The following SH3PXD2A variants were observed in gnomAD, a reference collection of about 807,000 sequenced individuals.
SH3PXD2A encodes SH3 and PX domains 2A, also known as SH3 and PX domain-containing protein 2A.
In SH3PXD2A, 32 loss-of-function variants were observed where a neutral mutation model predicts 115.2. The ratio of observed to expected loss-of-function variants is 0.28; its 90% confidence interval spans 0.21 to 0.37. The LOEUF is 0.37. Among genes scored for constraint, SH3PXD2A ranks in the 10% least tolerant of loss-of-function variants. The pLI is 1.00. For synonymous variants in SH3PXD2A, 610 were observed against 629.1 expected, an observed-to-expected ratio of 0.97 and a Z score of 0.45; for missense variants, 1,328 against 1,498.7, an observed-to-expected ratio of 0.89 and a Z score of 1.88.
At chr10:103,726,921 A>C (rs1038215404) in intron 4 of SH3PXD2A, among the ~76,000 whole-genome samples, 1 of 152,196 alleles carries the variant, frequency 6.6e-6, no homozygotes, top group African/African-American at 2.4e-5. Context: ...TGGCTCTCCA[A>C]GGGTCTCTGA....
At chr10:103,778,988 G>C (rs1204179901) in intron 2 of SH3PXD2A, among the ~76,000 whole-genome samples, 1 of 152,198 alleles carries the variant, frequency 6.6e-6, no homozygotes, top group Non-Finnish European at 1.5e-5. Flanking sequence ...TCTGCAAGTG[G>C]CCAGCTCTGA....
chr10:103,784,433 T>C lies in SH3PXD2A; in HGVS notation c.153+16849A>G, dbSNP rs566171338. On this transcript the variant is annotated intron_variant, in intron 2 of 14. Transcript: ENST00000369774. The surrounding 1 kb of genome is among the most constrained non-coding windows in gnomAD (Gnocchi z 4.4). ...AAGGCAGGAGGAAGGGAATGTAGCATTGACCAGACACCTCTTCTATCTGCA... is the reference window on the plus strand; with the variant it reads ...AAGGCAGGAGGAAGGGAATGTAGCACTGACCAGACACCTCTTCTATCTGCA... Among the ~76,000 whole-genome samples the C allele has an allele frequency of 1.8e-4, 27 of 152,324 alleles. No homozygotes were observed. Among genetic ancestry groups the C allele is most frequent in the African/African-American group, 6.3e-4 (26 of 41,570 alleles).
intron 4 of SH3PXD2A, among the ~76,000 whole-genome samples, chr10:103,729,677 G>C (rs1378237255): frequency 6.6e-6 from 1 of 152,226 alleles, no homozygotes; most frequent in Non-Finnish European, 1.5e-5. Flanking sequence ...TAAACCAGGG[G>C]TCAGTGAGCT....
intron 1 of SH3PXD2A, among the ~76,000 whole-genome samples, chr10:103,837,587 G>T (rs2039558243): frequency 6.6e-6 from 1 of 152,244 alleles, no homozygotes; most frequent in Non-Finnish European, 1.5e-5. Context: ...GGAGCTGTCA[G>T]TGTGCTGGAT....
intron 13 of SH3PXD2A, 111 bp from the exon 14 acceptor site, chr10:103,606,028 A>C (rs906244960): frequency 9.2e-7 from 1 of 1,084,712 alleles, no homozygotes; most frequent in Non-Finnish European, 1.3e-6. Context: ...CGTTTACACC[A>C]GCTGGACAGC....
chr10:103,803,808 G>A (rs1361657335), intron 1 of SH3PXD2A, among the ~76,000 whole-genome samples: 1 of 152,218 alleles, frequency 6.6e-6, no homozygotes. Flanking sequence ...CACAGCTTCG[G>A]GAGGTCCTGA....
chr10:103,614,073 T>C (rs959804241), intron 11 of SH3PXD2A, among the ~76,000 whole-genome samples: 2 of 145,542 alleles, frequency 1.4e-5, no homozygotes, highest in Non-Finnish European at 3.0e-5. Flanking sequence ...CAAGATCTCA[T>C]CTCTACCAAA....
chr10:103,750,877 C>T lies in SH3PXD2A; in HGVS notation c.230-15069G>A, dbSNP rs77439615. ...CTGCTTAAGAGCTTGCTTTGCTTTG[C>T]TTTGCCTGTGAACAATTTTGTCAGC... On this transcript the variant is annotated intron_variant, in intron 3 of 14. Coordinates refer to ENST00000369774, the MANE Select transcript of SH3PXD2A (RefSeq NM_001394015.1). Among the ~76,000 whole-genome samples, 95 of 152,296 alleles carry T rather than the reference C, an allele frequency of 6.2e-4. 2 individuals are homozygous for T. In the East Asian group the frequency reaches 0.018, roughly 28 times the overall value.
chr10:103,614,774 C>T (rs7900961), intron 11 of SH3PXD2A, among the ~76,000 whole-genome samples: 4,769 of 152,036 alleles, frequency 0.031, 226 homozygotes, highest in African/African-American at 0.11. Flanking sequence ...CCCCGCCCAC[C>T]GTCTTCCTGA....
chr10:103,648,888 G>A (rs1172196450), intron 8 of SH3PXD2A, among the ~76,000 whole-genome samples: 1 of 152,230 alleles, frequency 6.6e-6, no homozygotes, highest in Non-Finnish European at 1.5e-5. Context: ...GCTCAGGGAA[G>A]CTCAAGACTA....
Position 103,665,510 on chromosome 10 carries a change from G to T in SH3PXD2A, c.472+3098C>A. ...GGCCTCTCTCAGGAGCTGCTCCAAA[G>T]GCTGTGGGATGGACACACGGACACT... On this transcript the variant is annotated intron_variant, in intron 7 of 14. Transcript: ENST00000369774. This position sits in a 1 kb window ranked among gnomAD's most constrained non-coding sequence, Gnocchi z 4.0. Among the ~76,000 whole-genome samples the T allele has an allele frequency of 6.6e-6, 1 of 152,234 alleles. No individual in the cohort carries two copies. The highest frequency in any genetic ancestry group is 1.5e-5 in the Non-Finnish European group (1 of 68,040).
At chr10:103,828,197 G>A (rs779543857) in intron 1 of SH3PXD2A, among the ~76,000 whole-genome samples, 1 of 152,184 alleles carries the variant, frequency 6.6e-6, no homozygotes, top group Non-Finnish European at 1.5e-5. Flanking sequence ...GAATGCTTAC[G>A]CTAGGGAGAG....
At chr10:103,661,679 G>A (rs1169344839) in intron 7 of SH3PXD2A, 1 of 985,280 alleles carries the variant, frequency 1.0e-6, no homozygotes, top group African/African-American at 1.7e-5. Context: ...GGGAGAGGGA[G>A]AGGAGAGAGC....
intron 1 of SH3PXD2A, among the ~76,000 whole-genome samples, chr10:103,836,800 C>A (rs1423302793): frequency 6.6e-6 from 1 of 152,118 alleles, no homozygotes; most frequent in Non-Finnish European, 1.5e-5. Flanking sequence ...TCACAAGAAG[C>A]TTTCATGTTC....
chr10:103,659,937 C>T (rs905459306), intron 8 of SH3PXD2A, among the ~76,000 whole-genome samples: 1 of 152,156 alleles, frequency 6.6e-6, no homozygotes, highest in African/African-American at 2.4e-5. Context: ...ACTCCCTTCC[C>T]CGCAACCTCC....
intron 1 of SH3PXD2A, among the ~76,000 whole-genome samples, chr10:103,837,972 A>C (rs989638244): frequency 1.3e-5 from 2 of 152,144 alleles, no homozygotes; most frequent in African/African-American, 2.4e-5. Context: ...CCGTGAAGGA[A>C]AGTGACTACC....
At chr10:103,701,171 TCCATCCA>T (rs2037894871) in intron 5 of SH3PXD2A, among the ~76,000 whole-genome samples, 46 of 136,012 alleles carry the variant, frequency 3.4e-4, no homozygotes, top group African/African-American at 8.2e-4. Context: ...CATCCATCCA[TCCATCCA>T]CCATCCATCC....
intron 5 of SH3PXD2A, among the ~76,000 whole-genome samples, chr10:103,713,810 G>T (rs559430266): frequency 6.6e-6 from 1 of 152,240 alleles, no homozygotes; most frequent in South Asian, 2.1e-4. Context: ...CACAGCAGGT[G>T]GGGGAGGAGC....
intron 8 of SH3PXD2A, among the ~76,000 whole-genome samples, chr10:103,635,215 AGCTGTTCTCTGGCTGGCT>A (rs1215612665): frequency 1.3e-5 from 2 of 152,228 alleles, no homozygotes; most frequent in Non-Finnish European, 2.9e-5. Flanking sequence ...GGTTCGGGGC[AGCTGTTCTCTGGCTGGCT>A]GCCACACCTG....
Sources: gnomAD v4.1 joint callset for allele counts (sites outside exome capture counted in the v4.1 genomes callset) on GRCh38, gnomAD v4.1.1 for gene constraint, Gnocchi (gnomAD v3.1) non-coding constraint, MANE v1.5 for transcripts, NCBI Gene and HGNC (gene_info 2026-07-23, HGNC 2026-07-21) for gene names.